SF3A1: variants seen among roughly 807,000 people sequenced by gnomAD.
SF3A1 encodes the protein splicing factor 3a subunit 1.
Under a neutral mutation model 89.9 loss-of-function variants are expected in SF3A1, and 13 were observed. The observed-to-expected ratio is 0.14, with a 90% CI of 0.09 to 0.23. SF3A1 has a LOEUF of 0.23. Ranked by LOEUF, SF3A1 falls within the 10% of genes least tolerant of loss-of-function variation. The pLI is 1.00. For missense variants in SF3A1, 604 were observed against 1,022.1 expected, an observed-to-expected ratio of 0.59 and a Z score of 5.58; for synonymous variants, 405 against 374.4, an observed-to-expected ratio of 1.08 and a Z score of -0.94.
At chr22:30,335,438 G>A (rs1431614395) in intron 15 of SF3A1, 29 bp downstream of exon 15, 3 of 1,598,754 alleles carry the variant, frequency 1.9e-6, no homozygotes, top group African/African-American at 1.3e-5. Context: ...CAGGACCCAA[G>A]GGACAGGTCT....
rs745750777 is a variant in SF3A1 at position 30,356,747 on chromosome 22, G to A, written c.46C>T (p.Pro16Ser). ...VQAVPPPPPVPTEPKQPTEEE... is the reference protein window; with the variant it reads ...VQAVPPPPPVSTEPKQPTEEE... ...AGAGGTACCTGTTTGGGCTCCGTGGGCACGGGCGGCGGCGGGGGCACCGCC... is the reference window on the plus strand; with the variant it reads ...AGAGGTACCTGTTTGGGCTCCGTGGACACGGGCGGCGGCGGGGGCACCGCC... The change falls in exon 1 of 16, where the codon CCC becomes TCC. Residue 16 changes from proline to serine, a missense_variant. Around this residue, in one of 9 missense-constraint regions of SF3A1, gnomAD observed 55 missense variants for 43.8 expected, o/e 1.25. Transcript: ENST00000215793. 7 of 1,492,120 alleles carry A rather than the reference G, an allele frequency of 4.7e-6. No homozygotes were observed. The Admixed American group carries it at 1.3e-4, about 28-fold the overall frequency. The allele number at this position is 1,492,120 out of a possible 1,614,324, so 92.4% of individuals were successfully genotyped here.
At chr22:30,346,257 A>G (rs570930850) in intron 3 of SF3A1, 55 bp downstream of exon 3, 2 of 1,192,220 alleles carry the variant, frequency 1.7e-6, no homozygotes, top group Admixed American at 1.8e-5. Flanking sequence ...CTCCCTCCCT[A>G]TCCCTGTTTC....
At chr22:30,343,156 G>C (rs1045194640) in intron 4 of SF3A1, among the ~76,000 whole-genome samples, 1 of 152,170 alleles carries the variant, frequency 6.6e-6, no homozygotes, top group African/African-American at 2.4e-5. Flanking sequence ...AGCACTAGCC[G>C]ATTACCCAGA....
chr22:30,353,782 T>C (rs1259699539), intron 1 of SF3A1, among the ~76,000 whole-genome samples: 1 of 152,194 alleles, frequency 6.6e-6, no homozygotes, highest in Non-Finnish European at 1.5e-5. Context: ...AACCTCTTCC[T>C]TCTTTAATCC....
chr22:30,340,552 A>C, intron 8 of SF3A1, 143 bp downstream of exon 8: 1 of 854,018 alleles, frequency 1.2e-6, no homozygotes. Context: ...TGTTCCCACC[A>C]TGAAACCTGT....
chr22:30,334,645 A>G lies in SF3A1; in HGVS notation c.2331T>C (p.Asn777=). ...TGAGGGCCAGGTGGATGACTGCGCC[A>G]TTGGCCATGTTGTAGTAAGCCAGTG... The part of the protein sequence containing the change: ...SNSLAYYNMA[N]GAVIHLALKE... The change falls in exon 16 of 16, where the codon AAT becomes AAC. Residue 777 remains asparagine (N), a synonymous_variant. Coordinates refer to ENST00000215793, the MANE Select transcript of SF3A1 (RefSeq NM_005877.6). 2 of 1,589,230 alleles carry G rather than the reference A, an allele frequency of 1.3e-6. No homozygotes were observed. Among genetic ancestry groups the G allele is most frequent in the African/African-American group, 1.4e-5 (1 of 73,104 alleles).
Position 30,356,719 on chromosome 22 carries a change from G to C in SF3A1, c.63+11C>G. On this transcript the variant is annotated intron_variant, in intron 1 of 15. Coordinates refer to ENST00000215793, the MANE Select transcript of SF3A1 (RefSeq NM_005877.6). ...CCTCCGGCTGCAGGCTGAGGGGCGG[G>C]GGAGAGGTACCTGTTTGGGCTCCGT... is the stretch of plus-strand genomic sequence containing the variant. 1 of 1,487,460 alleles carries C rather than the reference G, an allele frequency of 6.7e-7. No individual in the cohort carries two copies. The highest frequency in any genetic ancestry group is 9.0e-7 in the Non-Finnish European group (1 of 1,114,592). 92.1% of individuals were successfully genotyped at this position (1,487,460 alleles called of 1,614,324 possible).
At chr22:30,351,328 A>G (rs1378126278) in intron 2 of SF3A1, among the ~76,000 whole-genome samples, 4 of 152,084 alleles carry the variant, frequency 2.6e-5, no homozygotes, top group African/African-American at 9.7e-5. Flanking sequence ...AAGTCTAACC[A>G]AAGTAATCTT....
chr22:30,342,023 C>T (rs1390234289), intron 6 of SF3A1, 138 bp from the exon 7 acceptor site: 12 of 1,146,128 alleles, frequency 1.0e-5, no homozygotes, highest in African/African-American at 7.7e-5. Flanking sequence ...CTGGCAAGTA[C>T]GTATTGAATC....
Position 30,332,436 on chromosome 22 carries a change from C to A in SF3A1, c.*2158G>T, listed in dbSNP as rs1339192906. 2 of 152,226 alleles carry A rather than the reference C, an allele frequency of 1.3e-5. No individual in the cohort carries two copies. The highest frequency in any genetic ancestry group is 4.8e-5 in the African/African-American group (2 of 41,458). 9.4% of individuals were successfully genotyped at this position (152,226 alleles called of 1,614,324 possible). A position where few individuals can be genotyped will look rare whatever the true frequency, so the allele number is the denominator to read the frequency against. On this transcript the variant is annotated 3_prime_UTR_variant, in exon 16 of 16. Transcript: ENST00000215793. Reference sequence around the variant, plus strand: ...TATTTCATAGTGTGGTCTGGTGGAGCAGAGCAGTGTGGTCCCCAGGAAGGG... The same window carrying A: ...TATTTCATAGTGTGGTCTGGTGGAGAAGAGCAGTGTGGTCCCCAGGAAGGG...
chr22:30,337,817 C>A lies in SF3A1; in HGVS notation c.1824G>T (p.Leu608=). 1 of 1,605,268 alleles carries A rather than the reference C, an allele frequency of 6.2e-7. No homozygotes were observed. Among genetic ancestry groups the A allele is most frequent in the South Asian group, 1.1e-5 (1 of 88,798 alleles). The change falls in exon 12 of 16, where the codon CTG becomes CTT. Residue 608 remains leucine, a synonymous_variant. Transcript: ENST00000215793. ...PRPPMASVVR[L]PPGSVIAPMP... is the part of the protein sequence containing the mutation. ...TGGGGGCGATCACTGAGCCTGGGGG[C>A]AGCCGGACCACAGATGCCATTGGGG...
At position 30,337,707 on chromosome 22, in the gene SF3A1, GGGGGTGGGC is replaced by G; in HGVS notation, c.1925_1933del (p.Arg642_Pro644del). ...ATACTGACCTGTTGGCACAATCATG[GGGGGTGGGC>G]GGGGGGCCATAATAGGAGGGGCCGA... On this transcript the variant is annotated inframe_deletion, in exon 12 of 16. Coordinates refer to ENST00000215793, the MANE Select transcript of SF3A1 (RefSeq NM_005877.6). The G allele has an allele frequency of 1.7e-6, 1 of 578,246 alleles. No individual in the cohort carries two copies. Among genetic ancestry groups the G allele is most frequent in the Non-Finnish European group, 3.0e-6 (1 of 328,678 alleles). 35.8% of individuals were successfully genotyped at this position (578,246 alleles called of 1,614,324 possible). A position where few individuals can be genotyped will look rare whatever the true frequency, so the allele number is the denominator to read the frequency against.
chr22:30,335,819 A>G, intron 13 of SF3A1, 66 bp from the exon 14 acceptor site: 1 of 1,313,432 alleles, frequency 7.6e-7, no homozygotes, highest in Non-Finnish European at 1.1e-6. Context: ...ATGCTCTGCT[A>G]TCCCTAGGCC....
intron 1 of SF3A1, 63 bp downstream of exon 1, chr22:30,356,667 G>A: frequency 1.6e-6 from 2 of 1,279,694 alleles, no homozygotes; most frequent in African/African-American, 1.5e-5. Context: ...GCTTATTCCT[G>A]TGCGAGTAAG....
At chr22:30,353,501 G>C (rs909112022) in intron 1 of SF3A1, among the ~76,000 whole-genome samples, 4 of 152,198 alleles carry the variant, frequency 2.6e-5, no homozygotes, top group Non-Finnish European at 4.4e-5. Context: ...CCTGGCCCTG[G>C]TGGTTAAAAT....
At chr22:30,356,247 G>A (rs1931828783) in intron 1 of SF3A1, among the ~76,000 whole-genome samples, 1 of 152,186 alleles carries the variant, frequency 6.6e-6, no homozygotes, top group Non-Finnish European at 1.5e-5. Context: ...GGTAATGTGG[G>A]AGCCTGGCAC....
chr22:30,339,981 T>C (rs1394672327), intron 9 of SF3A1, among the ~76,000 whole-genome samples: 1 of 152,220 alleles, frequency 6.6e-6, no homozygotes, highest in African/African-American at 2.4e-5. Flanking sequence ...TGCTCTGGGA[T>C]GTCAACAGGC....
At chr22:30,338,132 T>C (rs1283031909) in intron 11 of SF3A1, among the ~76,000 whole-genome samples, 3 of 152,116 alleles carry the variant, frequency 2.0e-5, no homozygotes, top group South Asian at 2.1e-4. Context: ...CTCGACCTGC[T>C]ACTTTGGCAA....
At chr22:30,340,660 G>A (rs371827912) in intron 8 of SF3A1, 35 bp downstream of exon 8, 13 of 1,343,558 alleles carry the variant, frequency 9.7e-6, no homozygotes, top group African/African-American at 2.9e-5. Context: ...GGACTTCCTG[G>A]GCAGCCCGAG....
Sources: gnomAD v4.1 joint callset for allele counts (sites outside exome capture counted in the v4.1 genomes callset) on GRCh38, gnomAD v4.1.1 for gene constraint, gnomAD v4.1.1 regional missense constraint, MANE v1.5 for transcripts, NCBI Gene and HGNC (gene_info 2026-07-23, HGNC 2026-07-21) for gene names.